Variants in OSBP2 observed in about 807,000 individuals in gnomAD.
OSBP2 encodes the protein oxysterol binding protein 2, also known as oxysterol-binding protein 2.
OSBP2 carries 66 observed loss-of-function variants against 96.0 expected under a neutral mutation model. The ratio of observed to expected loss-of-function variants is 0.69; its 90% confidence interval spans 0.56 to 0.84. OSBP2 has a LOEUF of 0.84. Among genes scored for constraint, OSBP2 ranks in the 40% least tolerant of loss-of-function variants. The probability of loss-of-function intolerance (pLI) is 0.00; values close to 1 mark genes in which losing one functional copy is unlikely to be tolerated. For synonymous variants in OSBP2, 525 were observed against 520.9 expected (o/e 1.01, Z -0.11); for missense variants, 1,038 against 1,222.7 (o/e 0.85, Z 2.25).
intron 7 of OSBP2, among the ~76,000 whole-genome samples, chr22:30,889,917 C>A (rs1297304096): frequency 6.6e-6 from 1 of 152,170 alleles, no homozygotes; most frequent in Admixed American, 6.5e-5. Flanking sequence ...CTCACAGGAC[C>A]TTACCATGTC....
chr22:30,724,135 A>C (rs1016120106), intron 1 of OSBP2, among the ~76,000 whole-genome samples: 5 of 152,176 alleles, frequency 3.3e-5, no homozygotes, highest in Non-Finnish European at 7.3e-5. Flanking sequence ...TTGGAATCAC[A>C]CAGTATATAC....
chr22:30,770,544 A>C (rs966015675), intron 2 of OSBP2: 7 of 152,236 alleles, frequency 4.6e-5, no homozygotes, highest in African/African-American at 1.7e-4. Context: ...TTTACTAATT[A>C]GTTTTTTAAA....
intron 2 of OSBP2, among the ~76,000 whole-genome samples, chr22:30,847,596 G>A (rs143028823): frequency 1.3e-3 from 203 of 152,162 alleles, no homozygotes; most frequent in Non-Finnish European, 4.3e-4. Context: ...TTAAATATTT[G>A]GTAGACTTCT....
intron 2 of OSBP2, among the ~76,000 whole-genome samples, chr22:30,852,234 T>C (rs935367102): frequency 3.9e-5 from 6 of 152,230 alleles, no homozygotes; most frequent in Non-Finnish European, 7.3e-5. Context: ...GTAAGAAGTG[T>C]ATTATTTCTT....
rs759345153 is a variant in OSBP2 at position 30,890,895 on chromosome 22, G to A, written c.1791G>A (p.Lys597=). The A allele has an allele frequency of 1.2e-6, 2 of 1,613,524 alleles. No individual in the cohort carries two copies. Among genetic ancestry groups the A allele is most frequent in the Admixed American group, 3.3e-5 (2 of 60,028 alleles). ...SYSTTVHRIA[K]PFNPMLGETF... ...CCACCACAGTGCACCGCATCGCCAA[G>A]CCCTTCAACCCCATGCTGGGGGAGA... Residue 597 remains lysine, a synonymous_variant, in exon 8 of 14, where the codon AAG becomes AAA. Transcript: ENST00000332585. The surrounding 1 kb of genome is among the most constrained non-coding windows in gnomAD (Gnocchi z 4.4).
intron 1 of OSBP2, among the ~76,000 whole-genome samples, chr22:30,701,927 G>A (rs2089169503): frequency 6.6e-6 from 1 of 152,184 alleles, no homozygotes. Flanking sequence ...CAGAGTTGTT[G>A]CAAAGAGGTG....
chr22:30,734,095 C>T (rs902559985), intron 1 of OSBP2, among the ~76,000 whole-genome samples: 1 of 152,074 alleles, frequency 6.6e-6, no homozygotes, highest in African/African-American at 2.4e-5. Flanking sequence ...CTGCCTCAGC[C>T]TCCTGAGTAG....
intron 2 of OSBP2, among the ~76,000 whole-genome samples, chr22:30,775,342 T>A (rs1425896055): frequency 6.6e-6 from 1 of 152,134 alleles, no homozygotes; most frequent in Non-Finnish European, 1.5e-5. Flanking sequence ...GCGCAGTGGC[T>A]TATGCCTGCA....
intron 2 of OSBP2, among the ~76,000 whole-genome samples, chr22:30,808,250 C>T (rs1374281821): frequency 1.3e-5 from 2 of 152,182 alleles, no homozygotes; most frequent in East Asian, 3.9e-4. Context: ...CCTATATTCC[C>T]AGCACTTTGG....
At chr22:30,752,387 C>T (rs1216800231) in intron 2 of OSBP2, among the ~76,000 whole-genome samples, 1 of 148,948 alleles carries the variant, frequency 6.7e-6, no homozygotes, top group Non-Finnish European at 1.5e-5. Flanking sequence ...CAAGCTCCAC[C>T]TCCTGGGTTC....
intron 2 of OSBP2, among the ~76,000 whole-genome samples, chr22:30,783,781 T>G (rs2090551713): frequency 1.3e-5 from 2 of 152,200 alleles, no homozygotes; most frequent in Non-Finnish European, 2.9e-5. Context: ...CCATGACACC[T>G]TGATGCAAAT....
At chr22:30,866,949 G>A (rs2039352300) in intron 2 of OSBP2, among the ~76,000 whole-genome samples, 1 of 152,216 alleles carries the variant, frequency 6.6e-6, no homozygotes, top group African/African-American at 2.4e-5. Flanking sequence ...CTCTGCCTGG[G>A]CTTGGGGTGA....
chr22:30,785,885 T>C lies in OSBP2; in HGVS notation c.853+44516T>C, dbSNP rs566529049. Among the ~76,000 whole-genome samples the C allele has an allele frequency of 4.0e-3, 613 of 152,308 alleles. 6 individuals are homozygous for C. Among genetic ancestry groups the C allele is most frequent in the African/African-American group, 0.014 (580 of 41,568 alleles). On this transcript the variant is annotated intron_variant, in intron 2 of 13. Coordinates refer to ENST00000332585, the MANE Select transcript of OSBP2 (RefSeq NM_030758.4). Reference sequence around the variant, plus strand: ...GAAGGTGCTTCTTTCTCCTTTGCTTTCCACCATGATTATAAGTTTCCTGAG... The same window carrying C: ...GAAGGTGCTTCTTTCTCCTTTGCTTCCCACCATGATTATAAGTTTCCTGAG...
At chr22:30,752,237 G>A (rs1335760913) in intron 2 of OSBP2, among the ~76,000 whole-genome samples, 1 of 150,292 alleles carries the variant, frequency 6.7e-6, no homozygotes, top group East Asian at 1.9e-4. Context: ...CCTAAAATGA[G>A]CTGAAGGAAG....
chr22:30,891,228 G>A (rs572981683), intron 8 of OSBP2, among the ~76,000 whole-genome samples: 11 of 152,334 alleles, frequency 7.2e-5, no homozygotes, highest in African/African-American at 2.4e-4. Flanking sequence ...TGCAGGGAGC[G>A]GGAGGATAAG....
chr22:30,851,982 T>A (rs896830389), intron 2 of OSBP2, among the ~76,000 whole-genome samples: 3 of 152,208 alleles, frequency 2.0e-5, no homozygotes, highest in Non-Finnish European at 4.4e-5. Context: ...TAATATGAGT[T>A]GTATTTCAAA....
chr22:30,843,611 C>T (rs1332990728), intron 2 of OSBP2, among the ~76,000 whole-genome samples: 1 of 152,162 alleles, frequency 6.6e-6, no homozygotes, highest in Non-Finnish European at 1.5e-5. Flanking sequence ...TGCCTGTAAT[C>T]CCAGCACTGT....
At chr22:30,742,288 T>G (rs1455675214) in intron 2 of OSBP2, among the ~76,000 whole-genome samples, 2 of 151,114 alleles carry the variant, frequency 1.3e-5, no homozygotes, top group Non-Finnish European at 2.9e-5. Context: ...AAAAATTAGC[T>G]GGGCGTGGTG....
At chr22:30,738,272 C>T (rs1234879304) in intron 1 of OSBP2, among the ~76,000 whole-genome samples, 1 of 152,058 alleles carries the variant, frequency 6.6e-6, no homozygotes, top group Non-Finnish European at 1.5e-5. Context: ...CACTGCCCAT[C>T]CCCCTCTTAT....
Sources: gnomAD v4.1 joint callset for allele counts (sites outside exome capture counted in the v4.1 genomes callset) on GRCh38, gnomAD v4.1.1 for gene constraint, Gnocchi (gnomAD v3.1) non-coding constraint, MANE v1.5 for transcripts, NCBI Gene and HGNC (gene_info 2026-07-23, HGNC 2026-07-21) for gene names.